The following NECTIN2 variants were observed in gnomAD, a reference collection of about 807,000 sequenced individuals.
The protein encoded by NECTIN2 is nectin cell adhesion molecule 2, also known as nectin-2.
A neutral mutation model predicts 56.9 loss-of-function variants in NECTIN2; 23 were observed. That is an observed-to-expected ratio of 0.40 (90% CI 0.29 to 0.57). The LOEUF (loss-of-function observed/expected upper bound fraction) is 0.57. NECTIN2 is among the 20% of genes least tolerant of loss of function. The pLI, the probability that NECTIN2 is intolerant of heterozygous loss-of-function variation, is 0.38. For missense variants in NECTIN2, 587 were observed against 718.3 expected, an observed-to-expected ratio of 0.82 and a Z score of 2.09; for synonymous variants, 302 against 313.8, an observed-to-expected ratio of 0.96 and a Z score of 0.40.
intron 1 of NECTIN2, among the ~76,000 whole-genome samples, chr19:44,863,422 T>C (rs1969056942): frequency 6.6e-6 from 1 of 152,050 alleles, no homozygotes; most frequent in African/African-American, 2.4e-5. Context: ...AGTGAGACCC[T>C]GTCTCAAAAA....
intron 5 of NECTIN2, chr19:44,878,214 T>C: frequency 1.5e-6 from 1 of 653,550 alleles, no homozygotes; most frequent in Non-Finnish European, 2.7e-6. Flanking sequence ...TCCTTCTCTC[T>C]CTCCTCAGAA....
chr19:44,878,816 A>G lies in NECTIN2; in HGVS notation c.1043-3395A>G, dbSNP rs1969274994. 5 of 1,382,936 alleles carry G rather than the reference A, an allele frequency of 3.6e-6. No homozygotes were observed. The South Asian group carries it at 9.1e-5, about 25-fold the overall frequency. The allele number at this position is 1,382,936 out of a possible 1,614,324, so 85.7% of individuals were successfully genotyped here. A position where few individuals can be genotyped will look rare whatever the true frequency, so the allele number is the denominator to read the frequency against. On this transcript the variant is annotated intron_variant, in intron 5 of 8. Coordinates refer to ENST00000252483, the MANE Select transcript of NECTIN2 (RefSeq NM_001042724.2). ...CTCCCGTCTCTAGGGCTGCATGGGG[A>G]GCCCGGGGAGCTGAGTAGTGGGGAT... is the stretch of plus-strand genomic sequence containing the variant.
At chr19:44,850,949 A>T (rs941948753) in intron 1 of NECTIN2, among the ~76,000 whole-genome samples, 5 of 152,122 alleles carry the variant, frequency 3.3e-5, no homozygotes, top group Admixed American at 3.3e-4. Context: ...GGGGGAAGCC[A>T]GGCCCTGGGG....
At position 44,865,190 on chromosome 19, in the gene NECTIN2, C is replaced by T; in HGVS notation, c.89-81C>T. 1.4e-6 allele frequency: 2 copies of T among 1,430,976 alleles called. No homozygotes were observed. Among genetic ancestry groups the T allele is most frequent in the South Asian group, 2.8e-5 (2 of 70,872 alleles). 88.6% of individuals were successfully genotyped at this position (1,430,976 alleles called of 1,614,324 possible). On this transcript the variant is annotated intron_variant, in intron 1 of 8. Transcript: ENST00000252483. The surrounding 1 kb of genome is among the most constrained non-coding windows in gnomAD (Gnocchi z 5.2). ...TGCGGAGCCTGCATTTCCCGTGGGG[C>T]CCCCTTCGTGGTGGCCCTGCCTGGA...
rs1293867935 is a variant in NECTIN2, at chr19:44,888,151, G to A, written c.1389G>A (p.Arg463=). Residue 463 remains arginine (R), a synonymous_variant, in exon 9 of 9, where the codon CGG becomes CGA. Transcript: ENST00000252483. ...RYHELPTLEE[R]SGPLHPGATS... ...ATGAGCTGCCCACCTTGGAAGAACG[G>A]TCAGGACCCTTGCACCCTGGAGCCA... 6.2e-7 allele frequency: 1 copy of A among 1,614,128 alleles called. No homozygotes were observed. The highest frequency in any genetic ancestry group is 8.5e-7 in the Non-Finnish European group (1 of 1,180,000).
In NECTIN2 at chr19:44,846,316, A is replaced by G. The variant is rs1266297448; in HGVS notation, c.-210A>G. 3 of 517,416 alleles carry G rather than the reference A, an allele frequency of 5.8e-6. No individual in the cohort carries two copies. The East Asian group carries it at 1.1e-4, about 19-fold the overall frequency. The allele number at this position is 517,416 out of a possible 1,614,324, so 32.1% of individuals were successfully genotyped here. A position where few individuals can be genotyped will look rare whatever the true frequency, so the allele number is the denominator to read the frequency against. ...GATCCTGTGACGTCAGCGGGTTCGA[A>G]CCGCCGGAGCTGAGCGAGAGGCCGG... On this transcript the variant is annotated 5_prime_UTR_variant, in exon 1 of 9. Transcript: ENST00000252483.
intron 1 of NECTIN2, among the ~76,000 whole-genome samples, chr19:44,851,524 C>T (rs1968899807): frequency 6.6e-6 from 1 of 152,224 alleles, no homozygotes; most frequent in Admixed American, 6.5e-5. Context: ...GTCTACCCAT[C>T]CCTGGATCTC....
At position 44,865,811 on chromosome 19, in the gene NECTIN2, C is replaced by A; in HGVS notation, c.478+151C>A. 3 of 957,052 alleles carry A rather than the reference C, an allele frequency of 3.1e-6. No homozygotes were observed. The highest frequency in any genetic ancestry group is 1.9e-5 in the South Asian group (1 of 52,404). 59.3% of individuals were successfully genotyped at this position (957,052 alleles called of 1,614,324 possible). A position where few individuals can be genotyped will look rare whatever the true frequency, so the allele number is the denominator to read the frequency against. The stretch of plus-strand genomic sequence containing the variant: ...CAGCAAATGTTCATTAAGCACCTAC[C>A]GCGTGCCAGATGCTTTTCTGTGTGC... On this transcript the variant is annotated intron_variant, in intron 2 of 8. Coordinates refer to ENST00000252483, the MANE Select transcript of NECTIN2 (RefSeq NM_001042724.2). This position sits in a 1 kb window ranked among gnomAD's most constrained non-coding sequence, Gnocchi z 5.2.
At chr19:44,872,180 T>A in intron 3 of NECTIN2, 31 bp downstream of exon 3, 1 of 1,599,982 alleles carries the variant, frequency 6.3e-7, no homozygotes, top group Non-Finnish European at 8.5e-7. Context: ...CCCTCCCCCA[T>A]CAAAACTGCC....
At chr19:44,886,377 A>G (rs751991473) in intron 8 of NECTIN2, among the ~76,000 whole-genome samples, 158 bp downstream of exon 8, 2 of 152,168 alleles carry the variant, frequency 1.3e-5, no homozygotes, top group Non-Finnish European at 2.9e-5. Flanking sequence ...TCAGGATTCC[A>G]TGGGGGAGGT....
chr19:44,860,698 G>A (rs778228529), intron 1 of NECTIN2, among the ~76,000 whole-genome samples: 4 of 151,346 alleles, frequency 2.6e-5, no homozygotes, highest in East Asian at 3.9e-4. Flanking sequence ...GTGCAGAGGC[G>A]CGATCTCGGC....
intron 5 of NECTIN2, among the ~76,000 whole-genome samples, chr19:44,877,834 C>T (rs572917332): frequency 3.0e-4 from 46 of 152,348 alleles, no homozygotes; most frequent in African/African-American, 1.1e-3. Flanking sequence ...CGGCGATCGC[C>T]AGACATGGGA....
chr19:44,859,769 G>A (rs1190268229), intron 1 of NECTIN2, among the ~76,000 whole-genome samples: 2 of 151,070 alleles, frequency 1.3e-5, no homozygotes, highest in African/African-American at 4.9e-5. Flanking sequence ...AGGTTGCAGT[G>A]AGTTGAGACC....
At chr19:44,850,448 C>G (rs1968886572) in intron 1 of NECTIN2, among the ~76,000 whole-genome samples, 1 of 152,088 alleles carries the variant, frequency 6.6e-6, no homozygotes, top group Admixed American at 6.5e-5. Context: ...AGTTCGAGAC[C>G]AGCCTGGGCA....
chr19:44,881,901 G>A (rs947761792), intron 5 of NECTIN2: 4 of 226,416 alleles, frequency 1.8e-5, no homozygotes, highest in Admixed American at 1.1e-4. Context: ...TGTATCCCCC[G>A]TGACTTACTC....
In NECTIN2 at chr19:44,860,236, A is replaced by C. The variant is rs141821999; in HGVS notation, c.89-5035A>C. ...GGGGGTTACTTAGGGAATTATAAAA[A>C]TGCCCAGGCTGGGCGCAGTGGCTCA... On this transcript the variant is annotated intron_variant, in intron 1 of 8. Coordinates refer to ENST00000252483, the MANE Select transcript of NECTIN2 (RefSeq NM_001042724.2). Among the ~76,000 whole-genome samples the C allele has an allele frequency of 4.5e-4, 69 of 152,342 alleles. 1 individual carries two copies. Among genetic ancestry groups the C allele is most frequent in the African/African-American group, 1.7e-3 (69 of 41,594 alleles).
At position 44,882,379 on chromosome 19, in the gene NECTIN2, C is replaced by G; in HGVS notation, c.1196+15C>G. On this transcript the variant is annotated intron_variant, in intron 6 of 8. Coordinates refer to ENST00000252483, the MANE Select transcript of NECTIN2 (RefSeq NM_001042724.2). ...GAGGACGAAGAGTAAGTGATGGGCC[C>G]TGAGACGGGGATGGGAGAGGGGTCG... 4 of 1,384,374 alleles carry G rather than the reference C, an allele frequency of 2.9e-6. No individual in the cohort carries two copies. Among genetic ancestry groups the G allele is most frequent in the Non-Finnish European group, 2.8e-6 (3 of 1,054,508 alleles). The allele number at this position is 1,384,374 out of a possible 1,614,324, so 85.8% of individuals were successfully genotyped here.
At chr19:44,876,777 G>A (rs187032859) in intron 5 of NECTIN2, among the ~76,000 whole-genome samples, 5 of 152,216 alleles carry the variant, frequency 3.3e-5, no homozygotes, top group African/African-American at 4.8e-5. Flanking sequence ...ACAGGGTCTC[G>A]CTATGTTGGC....
In NECTIN2 at chr19:44,888,494, C is replaced by A. The variant is rs115085136; in HGVS notation, c.*115C>A. ...CACTGTCAGTTAACACATATGCATTCCATTTGTGATGTCTACCTTGGTGGC... is the reference window on the plus strand; with the variant it reads ...CACTGTCAGTTAACACATATGCATTACATTTGTGATGTCTACCTTGGTGGC... On this transcript the variant is annotated 3_prime_UTR_variant, in exon 9 of 9. Transcript: ENST00000252483. The A allele has an allele frequency of 1.2e-3, 1,343 of 1,137,794 alleles. 10 individuals carry two copies. The African/African-American group carries it at 0.019, about 17-fold the overall frequency. 70.5% of individuals were successfully genotyped at this position (1,137,794 alleles called of 1,614,324 possible). A position where few individuals can be genotyped will look rare whatever the true frequency, so the allele number is the denominator to read the frequency against.
Sources: gnomAD v4.1 joint callset for allele counts (sites outside exome capture counted in the v4.1 genomes callset) on GRCh38, gnomAD v4.1.1 for gene constraint, Gnocchi (gnomAD v3.1) non-coding constraint, MANE v1.5 for transcripts, NCBI Gene and HGNC (gene_info 2026-07-23, HGNC 2026-07-21) for gene names.